The following ZUP1 variants were observed in gnomAD, a reference collection of about 807,000 sequenced individuals.
ZUP1 encodes the protein zinc finger containing ubiquitin peptidase 1, also known as zinc finger-containing ubiquitin peptidase 1.
Under a neutral mutation model 68.1 loss-of-function variants are expected in ZUP1, and 55 were observed. That is an observed-to-expected ratio of 0.81 (90% CI 0.65 to 1.01). The LOEUF (loss-of-function observed/expected upper bound fraction) is 1.01. Among genes scored for constraint, ZUP1 ranks in the 50% least tolerant of loss-of-function variants. ZUP1 has a pLI of 0.00. For missense variants in ZUP1, 684 were observed against 674.9 expected, an observed-to-expected ratio of 1.01 and a Z score of -0.15; for synonymous variants, 223 against 221.5, an observed-to-expected ratio of 1.01 and a Z score of -0.06.
At chr6:116,639,930 A>C (rs138743556) in intron 9 of ZUP1, among the ~76,000 whole-genome samples, 127 of 152,342 alleles carry the variant, frequency 8.3e-4, no homozygotes, top group African/African-American at 2.8e-3. Context: ...AAAGAAGTTA[A>C]AAACTTTGAA....
chr6:116,656,432 T>C (rs1427513223), intron 5 of ZUP1, among the ~76,000 whole-genome samples: 2 of 152,220 alleles, frequency 1.3e-5, no homozygotes, highest in African/African-American at 4.8e-5. Flanking sequence ...AAATTATATA[T>C]GTGGCTCACA....
intron 4 of ZUP1, among the ~76,000 whole-genome samples, chr6:116,657,517 T>C (rs1776709093): frequency 6.6e-6 from 1 of 152,200 alleles, no homozygotes; most frequent in East Asian, 1.9e-4. Context: ...CTTTCCTATT[T>C]TGCAAGTATT....
At chr6:116,666,066 A>G (rs957652371) in intron 2 of ZUP1, among the ~76,000 whole-genome samples, 3 of 152,212 alleles carry the variant, frequency 2.0e-5, no homozygotes, top group Non-Finnish European at 2.9e-5. Flanking sequence ...AATTGATAGA[A>G]CTACTAGACA....
intron 2 of ZUP1, among the ~76,000 whole-genome samples, chr6:116,661,378 T>C (rs1583378699): frequency 6.6e-6 from 1 of 152,024 alleles, no homozygotes; most frequent in Non-Finnish European, 1.5e-5. Context: ...ATAATAAATA[T>C]TCAGATCTGT....
intron 8 of ZUP1, among the ~76,000 whole-genome samples, chr6:116,646,661 A>G (rs1776319219): frequency 6.6e-6 from 1 of 152,156 alleles, no homozygotes; most frequent in African/African-American, 2.4e-5. Flanking sequence ...TATAGCCCCC[A>G]ACTCCAAGGC....
chr6:116,656,143 A>G (rs9320576), intron 5 of ZUP1, among the ~76,000 whole-genome samples: 55,175 of 151,430 alleles, frequency 0.36, 10,671 homozygotes, highest in African/African-American at 0.5. Context: ...GCAATGGCGC[A>G]ATCTCGGCTC....
chr6:116,635,836 G>A lies in ZUP1; in HGVS notation c.1733C>T (p.Pro578Leu). ...AATGCTTAAATGCTTGATTCTTCAAGGAATCTTCTCGGCTGTAAAGACTTG... is the reference window on the plus strand; with the variant it reads ...AATGCTTAAATGCTTGATTCTTCAAAGAATCTTCTCGGCTGTAAAGACTTG... Reference protein sequence around the residue: ...ASQVFTAEKIP With the variant: ...ASQVFTAEKIL The change falls in exon 10 of 10, where the codon CCT becomes CTT. Residue 578 changes from proline to leucine, a missense_variant. Physicochemically the swap from Pro to Leu is moderately conservative, Grantham distance 98 (BLOSUM62 -3). Transcript: ENST00000368576. The A allele has an allele frequency of 6.3e-6, 10 of 1,596,108 alleles. No homozygotes were observed. Among genetic ancestry groups the A allele is most frequent in the Non-Finnish European group, 8.5e-6 (10 of 1,174,646 alleles).
chr6:116,668,220 G>A (rs1007358487), intron 1 of ZUP1, among the ~76,000 whole-genome samples: 1 of 152,024 alleles, frequency 6.6e-6, no homozygotes, highest in Non-Finnish European at 1.5e-5. Context: ...TCTGATTTTA[G>A]AAGGCAGTTC....
intron 2 of ZUP1, among the ~76,000 whole-genome samples, chr6:116,662,724 T>C (rs1485234738): frequency 6.6e-6 from 1 of 152,180 alleles, no homozygotes; most frequent in Non-Finnish European, 1.5e-5. Flanking sequence ...CCATTTTCTC[T>C]ACAGCCCCCT....
intron 7 of ZUP1, 54 bp from the exon 8 acceptor site, chr6:116,647,664 C>T (rs986304262): frequency 1.6e-5 from 22 of 1,349,834 alleles, no homozygotes; most frequent in Admixed American, 6.6e-5. Flanking sequence ...ATATTTTCAT[C>T]GATGGAGTTA....
At chr6:116,659,160 G>T (rs575504164) in intron 3 of ZUP1, among the ~76,000 whole-genome samples, 1 of 152,096 alleles carries the variant, frequency 6.6e-6, no homozygotes, top group African/African-American at 2.4e-5. Context: ...ACGGAGTTTC[G>T]CTCTTATTGC....
chr6:116,643,615 T>C (rs1254379111), intron 9 of ZUP1, among the ~76,000 whole-genome samples: 2 of 152,200 alleles, frequency 1.3e-5, no homozygotes, highest in East Asian at 3.8e-4. Context: ...TAAATGGTGC[T>C]GGGAAAACTG....
At chr6:116,635,964 A>C in intron 9 of ZUP1, 85 bp from the exon 10 acceptor site, 1 of 990,548 alleles carries the variant, frequency 1.0e-6, no homozygotes, top group South Asian at 2.2e-5. Flanking sequence ...AAAAAATAAA[A>C]TCTGGAATTT....
chr6:116,665,137 A>C (rs1334495926), intron 2 of ZUP1, among the ~76,000 whole-genome samples: 1 of 152,202 alleles, frequency 6.6e-6, no homozygotes, highest in Non-Finnish European at 1.5e-5. Flanking sequence ...AACTCAAAAA[A>C]TATTTGACAA....
chr6:116,653,150 C>T (rs923988347), intron 5 of ZUP1, among the ~76,000 whole-genome samples: 2 of 151,984 alleles, frequency 1.3e-5, no homozygotes, highest in Admixed American at 6.6e-5. Context: ...ACATCTGACT[C>T]GGCCCCTTTC....
At chr6:116,642,970 A>T (rs1226216810) in intron 9 of ZUP1, among the ~76,000 whole-genome samples, 1 of 152,224 alleles carries the variant, frequency 6.6e-6, no homozygotes, top group Non-Finnish European at 1.5e-5. Context: ...CCTTAAGTTG[A>T]TAAGCAACTT....
At chr6:116,650,076 G>C (rs1776432731) in intron 7 of ZUP1, among the ~76,000 whole-genome samples, 1 of 151,966 alleles carries the variant, frequency 6.6e-6, no homozygotes, top group South Asian at 2.1e-4. Context: ...AGTAAATCTA[G>C]AAAATAGAGA....
Position 116,660,789 on chromosome 6 carries a change from T to C in ZUP1, c.617A>G (p.His206Arg). ...CAAGTCAACATGTTCCTGAAGAATA[T>C]GGTAATTTGTACATATGAGCCCACA... is the stretch of plus-strand genomic sequence containing the variant. ...PMCGLICTNYHILQEHVDLHL... is the reference protein window; with the variant it reads ...PMCGLICTNYRILQEHVDLHL... Residue 206 changes from histidine (H) to arginine (R), a missense_variant, in exon 3 of 10, where the codon CAT becomes CGT. By Grantham distance (29) the His-to-Arg change is conservative (BLOSUM62 0). Coordinates refer to ENST00000368576, the MANE Select transcript of ZUP1 (RefSeq NM_145062.3). 1.2e-6 allele frequency: 2 copies of C among 1,611,020 alleles called. No individual in the cohort carries two copies. The highest frequency in any genetic ancestry group is 1.7e-4 in the Middle Eastern group (1 of 6,048).
chr6:116,650,091 G>A (rs1776433593), intron 7 of ZUP1, among the ~76,000 whole-genome samples: 1 of 152,018 alleles, frequency 6.6e-6, no homozygotes. Context: ...TAGAGAAAAA[G>A]CAAAGATTTT....
Sources: allele counts gnomAD v4.1 joint callset (sites outside exome capture counted in the v4.1 genomes callset), GRCh38; gene constraint gnomAD v4.1.1; transcripts MANE v1.5; gene names NCBI Gene and HGNC (gene_info 2026-07-23, HGNC 2026-07-21).